The following KCNQ2 variants were observed in gnomAD, a reference collection of about 807,000 sequenced individuals.
KCNQ2 encodes the protein potassium voltage-gated channel subfamily Q member 2.
KCNQ2 carries 14 observed loss-of-function variants against 84.8 expected under a neutral mutation model. That is an observed-to-expected ratio of 0.17 (90% CI 0.11 to 0.26). The LOEUF (loss-of-function observed/expected upper bound fraction) is 0.26, where lower values mean the gene tolerates loss of function less well. Ranked by LOEUF, KCNQ2 falls within the 10% of genes least tolerant of loss-of-function variation. KCNQ2 has a pLI of 1.00. For synonymous variants in KCNQ2, 599 were observed against 554.1 expected, an observed-to-expected ratio of 1.08 and a Z score of -1.14; for missense variants, 788 against 1,254.0, an observed-to-expected ratio of 0.63 and a Z score of 5.61.
intron 1 of KCNQ2, chr20:63,449,475 T>C (rs1600807838): frequency 1.3e-5 from 2 of 152,470 alleles, no homozygotes; most frequent in African/African-American, 2.4e-5. Flanking sequence ...AAACAAGTCC[T>C]CGATGTGCGG....
chr20:63,461,869 C>T (rs1233564502), intron 1 of KCNQ2, among the ~76,000 whole-genome samples: 1 of 131,840 alleles, frequency 7.6e-6, no homozygotes, highest in African/African-American at 3.0e-5. Flanking sequence ...GCACCTACCC[C>T]GGGGCAGCAG....
intron 1 of KCNQ2, among the ~76,000 whole-genome samples, chr20:63,449,517 C>T (rs1176484202): frequency 3.3e-5 from 5 of 152,200 alleles, no homozygotes; most frequent in Admixed American, 2.0e-4. Context: ...CAGCGTTGGC[C>T]GCAGTGCCTG....
chr20:63,470,008 AGTG>A (rs932185752), intron 1 of KCNQ2, among the ~76,000 whole-genome samples: 1 of 152,356 alleles, frequency 6.6e-6, no homozygotes, highest in African/African-American at 2.4e-5. Flanking sequence ...GCCCCCCAGC[AGTG>A]GTGTTCACAA....
rs2145921651 is a variant in KCNQ2, at chr20:63,472,302, G to A, written c.162C>T (p.Leu54=). Residue 54 remains leucine (L), a synonymous_variant, in exon 1 of 17, where the codon CTC becomes CTT. Coordinates refer to ENST00000359125, the MANE Select transcript of KCNQ2 (RefSeq NM_172107.4). ...CCGCGCCGCCCGCGCGAGGTTTGCT[G>A]AGGATGCTGCCGCGCTTGGGGGCCT... ...GSEAPKRGSI[L]SKPRAGGAGA... 1.3e-6 allele frequency: 2 copies of A among 1,538,888 alleles called. No homozygotes were observed. The highest frequency in any genetic ancestry group is 1.8e-6 in the Non-Finnish European group (2 of 1,142,782).
At chr20:63,419,554 G>T in intron 12 of KCNQ2, 65 bp downstream of exon 12, 1 of 1,511,164 alleles carries the variant, frequency 6.6e-7, no homozygotes, top group Non-Finnish European at 9.0e-7. Context: ...AGAACCTCTA[G>T]TAAGCAGGGA....
chr20:63,445,164 G>C (rs1435418058), intron 3 of KCNQ2, 74 bp downstream of exon 3: 1 of 1,602,710 alleles, frequency 6.2e-7, no homozygotes, highest in Admixed American at 1.7e-5. Flanking sequence ...AGACGCCCCA[G>C]CTCCCCCCAG....
At position 63,406,283 on chromosome 20, in the gene KCNQ2, G is replaced by C; in HGVS notation, c.*361C>G. 1 of 262,360 alleles carries C rather than the reference G, an allele frequency of 3.8e-6. No homozygotes were observed. The highest frequency in any genetic ancestry group is 6.0e-5 in the South Asian group (1 of 16,670). 16.3% of individuals were successfully genotyped at this position (262,360 alleles called of 1,614,324 possible). A position where few individuals can be genotyped will look rare whatever the true frequency, so the allele number is the denominator to read the frequency against. ...CTTTGTGCCTCCCCTGGGCTCGGCT[G>C]AGACAACCCCCCGCCTGTTGCCACG... On this transcript the variant is annotated 3_prime_UTR_variant, in exon 17 of 17. Coordinates refer to ENST00000359125, the MANE Select transcript of KCNQ2 (RefSeq NM_172107.4).
chr20:63,433,253 C>T (rs1303124763), intron 8 of KCNQ2, among the ~76,000 whole-genome samples: 1 of 152,190 alleles, frequency 6.6e-6, no homozygotes, highest in Non-Finnish European at 1.5e-5. Context: ...TCTCTGCTGC[C>T]CGAGGGGCTC....
At chr20:63,431,460 G>A in intron 8 of KCNQ2, 91 bp from the exon 9 acceptor site, 1 of 1,371,054 alleles carries the variant, frequency 7.3e-7, no homozygotes, top group Non-Finnish European at 1.0e-6. Context: ...AAATAGTTGA[G>A]GAAAGTAGGG....
chr20:63,418,403 C>T (rs74807909), intron 12 of KCNQ2, among the ~76,000 whole-genome samples: 104 of 152,350 alleles, frequency 6.8e-4, no homozygotes, highest in Non-Finnish European at 1.4e-3. Flanking sequence ...CCGCAGGAAA[C>T]AGGAGGCTGA....
At chr20:63,431,455 G>C in intron 8 of KCNQ2, 86 bp from the exon 9 acceptor site, 1 of 1,418,360 alleles carries the variant, frequency 7.1e-7, no homozygotes, top group Non-Finnish European at 1.0e-6. Context: ...GAAACAAATA[G>C]TTGAGGAAAG....
intron 11 of KCNQ2, 42 bp from the exon 12 acceptor site, chr20:63,419,714 C>T (rs751207952): frequency 1.5e-5 from 24 of 1,560,356 alleles, no homozygotes; most frequent in Non-Finnish European, 1.8e-5. Context: ...GCGCCGGCAA[C>T]AGCACACGGC....
rs553797385 is a variant in KCNQ2, at chr20:63,410,484, G to A, written c.1764-1948C>T. On this transcript the variant is annotated intron_variant, in intron 15 of 16. Coordinates refer to ENST00000359125, the MANE Select transcript of KCNQ2 (RefSeq NM_172107.4). Reference sequence around the variant, plus strand: ...AGCCACAAGACCGTCCGAGCTCACAGCTGTGGATGCCCAGCTGCTGTCTCT... The same window carrying A: ...AGCCACAAGACCGTCCGAGCTCACAACTGTGGATGCCCAGCTGCTGTCTCT... Among the ~76,000 whole-genome samples the A allele has an allele frequency of 5.9e-5, 9 of 152,352 alleles. No homozygotes were observed. The East Asian group carries it at 1.7e-3, about 29-fold the overall frequency.
chr20:63,451,256 G>A (rs77600316), intron 1 of KCNQ2, among the ~76,000 whole-genome samples: 8 of 151,992 alleles, frequency 5.3e-5, no homozygotes, highest in East Asian at 1.9e-4. Flanking sequence ...TGTCTTCACC[G>A]CCGCTGTCTC....
At chr20:63,431,973 C>CCACCCACAGGGAAGGAT (rs2080805937) in intron 8 of KCNQ2, among the ~76,000 whole-genome samples, 1 of 72,292 alleles carries the variant, frequency 1.4e-5, no homozygotes, top group Non-Finnish European at 3.0e-5. Flanking sequence ...CAGGGAAGGC[C>CCACCCACAGGGAAGGAT]CCACCCGCAG....
At chr20:63,427,568 GGAAGGGTCCTT>G (rs2080670428) in intron 10 of KCNQ2, among the ~76,000 whole-genome samples, 1 of 152,226 alleles carries the variant, frequency 6.6e-6, no homozygotes, top group Non-Finnish European at 1.5e-5. Context: ...AAAGCTCCAG[GGAAGGGTCCTT>G]TCTGCCTCTT....
At chr20:63,443,478 T>TCAC (rs1430429806) in intron 4 of KCNQ2, among the ~76,000 whole-genome samples, 1 of 28,990 alleles carries the variant, frequency 3.4e-5, no homozygotes, top group Non-Finnish European at 7.2e-5. Flanking sequence ...ACCACCATCA[T>TCAC]CACCACCACC....
chr20:63,461,973 G>A (rs2081966511), intron 1 of KCNQ2, among the ~76,000 whole-genome samples: 2 of 121,392 alleles, frequency 1.6e-5, no homozygotes, highest in Non-Finnish European at 3.4e-5. Context: ...GCAGCAGGGA[G>A]GAGGCAGCAC....
intron 15 of KCNQ2, chr20:63,410,148 C>T (rs755305697): frequency 2.0e-5 from 4 of 195,306 alleles, no homozygotes; most frequent in Non-Finnish European, 3.2e-5. Context: ...CCTCTGGCTC[C>T]GAGCAGACGC....
Sources: allele counts gnomAD v4.1 joint callset (sites outside exome capture counted in the v4.1 genomes callset), GRCh38; gene constraint gnomAD v4.1.1; transcripts MANE v1.5; gene names NCBI Gene and HGNC (gene_info 2026-07-23, HGNC 2026-07-21).